MINDY4: variants seen among roughly 807,000 people sequenced by gnomAD.
MINDY4 encodes probable ubiquitin carboxyl-terminal hydrolase MINDY-4.
A neutral mutation model predicts 87.0 loss-of-function variants in MINDY4; 68 were observed. The ratio of observed to expected loss-of-function variants is 0.78; its 90% CI spans 0.64 to 0.96. The LOEUF is 0.96. Among genes scored for constraint, MINDY4 ranks in the 40% least tolerant of loss-of-function variants. MINDY4 has a pLI of 0.00. For synonymous variants in MINDY4, 379 were observed against 363.2 expected, an observed-to-expected ratio of 1.04 and a Z score of -0.50; for missense variants, 919 against 928.2, an observed-to-expected ratio of 0.99 and a Z score of 0.13.
rs1787147200 is a variant in MINDY4, at chr7:30,785,901, T to C, written c.572T>C (p.Leu191Ser). ...GACAAGCTTCACTCGGAGCCTTCCT[T>C]GGATGTGAAGAGGATGGGAGAGAAT... ...KIDKLHSEPS[L>S]DVKRMGENSR... Residue 191 changes from leucine to serine, a missense_variant, in exon 4 of 18, where the codon TTG becomes TCG. Physicochemically the swap from Leu to Ser is moderately radical, Grantham distance 145. Coordinates refer to ENST00000265299, the MANE Select transcript of MINDY4 (RefSeq NM_032222.3). 1 of 1,614,032 alleles carries C rather than the reference T, an allele frequency of 6.2e-7. No homozygotes were observed. Among genetic ancestry groups the C allele is most frequent in the Non-Finnish European group, 8.5e-7 (1 of 1,180,042 alleles).
At chr7:30,882,385 C>G (rs1790493313) in intron 16 of MINDY4, 24 bp downstream of exon 16, 1 of 1,478,484 alleles carries the variant, frequency 6.8e-7, no homozygotes, top group African/African-American at 1.4e-5. Context: ...CCCCCCCACC[C>G]ACCCAACCCT....
chr7:30,828,745 C>A lies in MINDY4; in HGVS notation c.1132+8C>A, dbSNP rs1469055785. ...TGGGTGCCCTGCGGCTCGGTAGGTGCAGCGGGTGCCTCTGTGCTGTGCCCA... is the reference window on the plus strand; with the variant it reads ...TGGGTGCCCTGCGGCTCGGTAGGTGAAGCGGGTGCCTCTGTGCTGTGCCCA... On this transcript the variant is annotated splice_region_variant and intron_variant, in intron 6 of 17. Coordinates refer to ENST00000265299, the MANE Select transcript of MINDY4 (RefSeq NM_032222.3). 1 of 1,611,540 alleles carries A rather than the reference C, an allele frequency of 6.2e-7. No individual in the cohort carries two copies. Among genetic ancestry groups the A allele is most frequent in the Non-Finnish European group, 8.5e-7 (1 of 1,179,938 alleles).
intron 4 of MINDY4, among the ~76,000 whole-genome samples, chr7:30,788,236 A>G (rs182801774): frequency 1.1e-4 from 16 of 152,326 alleles, no homozygotes; most frequent in Admixed American, 4.6e-4. Flanking sequence ...GAAAACTGAG[A>G]TATTTTTCTT....
At chr7:30,806,671 T>C (rs752908229) in intron 5 of MINDY4, among the ~76,000 whole-genome samples, 11 of 152,282 alleles carry the variant, frequency 7.2e-5, no homozygotes, top group Admixed American at 6.5e-4. Flanking sequence ...GTCAGGCATA[T>C]AGCAGGCTTT....
intron 6 of MINDY4, among the ~76,000 whole-genome samples, chr7:30,834,037 G>A (rs1345313653): frequency 6.6e-6 from 1 of 152,210 alleles, no homozygotes; most frequent in East Asian, 1.9e-4. Flanking sequence ...CCAGGCACAT[G>A]GTGCAAGCTG....
chr7:30,841,460 C>T (rs1789035619), intron 9 of MINDY4, among the ~76,000 whole-genome samples: 1 of 152,180 alleles, frequency 6.6e-6, no homozygotes, highest in Non-Finnish European at 1.5e-5. Flanking sequence ...TAGAAAACCC[C>T]AATCCCATAC....
intron 9 of MINDY4, among the ~76,000 whole-genome samples, chr7:30,849,387 A>G (rs1789325804): frequency 6.6e-6 from 1 of 152,242 alleles, no homozygotes; most frequent in Non-Finnish European, 1.5e-5. Context: ...AAAAATTTGC[A>G]GAATCCAAGA....
Position 30,820,200 on chromosome 7 carries a change from C to T in MINDY4, c.1074-8479C>T, listed in dbSNP as rs912237350. ...ACAGGCGTGAGCCACCGCGCCCGGCCAATAATTTTTAAAAGTAAAATTCAA... is the reference window on the plus strand; with the variant it reads ...ACAGGCGTGAGCCACCGCGCCCGGCTAATAATTTTTAAAAGTAAAATTCAA... On this transcript the variant is annotated intron_variant, in intron 5 of 17. Coordinates refer to ENST00000265299, the MANE Select transcript of MINDY4 (RefSeq NM_032222.3). 5.3e-5 allele frequency among the ~76,000 whole-genome samples: 8 copies of T among 152,124 alleles called. No individual in the cohort carries two copies. The South Asian group carries it at 1.2e-3, about 24-fold the overall frequency.
chr7:30,862,456 C>G (rs968256300), intron 13 of MINDY4, among the ~76,000 whole-genome samples: 1 of 152,254 alleles, frequency 6.6e-6, no homozygotes, highest in African/African-American at 2.4e-5. Context: ...ACACTGCACT[C>G]CAGCGGCGCT....
chr7:30,774,262 A>G (rs1044393299), intron 1 of MINDY4, among the ~76,000 whole-genome samples: 21 of 152,240 alleles, frequency 1.4e-4, no homozygotes, highest in African/African-American at 4.6e-4. Context: ...TCCCACTACC[A>G]CACTTACTCA....
intron 5 of MINDY4, among the ~76,000 whole-genome samples, chr7:30,809,856 T>C (rs1224702257): frequency 1.3e-5 from 2 of 151,892 alleles, no homozygotes; most frequent in Admixed American, 6.6e-5. Context: ...ATTCTTGTCC[T>C]GAAATAAATT....
In MINDY4 at chr7:30,850,545, G is replaced by A. The variant is rs78722842; in HGVS notation, c.1537G>A (p.Val513Ile). 0.043 allele frequency: 69,355 copies of A among 1,602,542 alleles called. 1,613 individuals are homozygous for A. Among genetic ancestry groups the A allele is most frequent in the Middle Eastern group, 0.059 (349 of 5,930 alleles). ...VWRAGGRERA[V>I]VALASRTQQF... is the part of the protein sequence containing the mutation. Reference sequence around the variant, plus strand: ...GCGGGCAGGGGGCCGAGAGAGAGCCGTTGTTGCACTGTAAGTGGTTCCGAG... The same window carrying A: ...GCGGGCAGGGGGCCGAGAGAGAGCCATTGTTGCACTGTAAGTGGTTCCGAG... The change falls in exon 10 of 18, where the codon GTT becomes ATT. Residue 513 changes from valine to isoleucine, a missense_variant. Transcript: ENST00000265299.
Position 30,822,591 on chromosome 7 carries a change from A to G in MINDY4, c.1074-6088A>G, listed in dbSNP as rs77103997. Among the ~76,000 whole-genome samples, 1,184 of 148,124 alleles carry G rather than the reference A, an allele frequency of 8.0e-3. 14 individuals carry two copies. Among genetic ancestry groups the G allele is most frequent in the African/African-American group, 0.029 (1,132 of 39,240 alleles). On this transcript the variant is annotated intron_variant, in intron 5 of 17. Coordinates refer to ENST00000265299, the MANE Select transcript of MINDY4 (RefSeq NM_032222.3). ...TTTTTTTCAATCCAGGATCCATTCG[A>G]GGTTTGCCCATTGTCTTGGTTGACG...
chr7:30,865,602 A>G (rs1179752355), intron 13 of MINDY4, among the ~76,000 whole-genome samples: 4 of 152,148 alleles, frequency 2.6e-5, no homozygotes, highest in Admixed American at 6.5e-5. Flanking sequence ...TCCTCTGGAG[A>G]CCCTGTGCAG....
chr7:30,791,233 G>C lies in MINDY4; in HGVS notation c.732G>C (p.Glu244Asp), dbSNP rs765287774. The change falls in exon 5 of 18, where the codon GAG (glutamate) becomes GAC (aspartate). Residue 244 changes from glutamate (E) to aspartate (D), a missense_variant. Physicochemically the swap from Glu to Asp is conservative, Grantham distance 45. Transcript: ENST00000265299. ...PSSSSTQPQE[E>D]SRKVPELFVC... is the part of the protein sequence containing the mutation. ...GCAGCTCCACCCAACCCCAAGAAGAGAGCCGGAAGGTCCCTGAGCTCTTTG... is the reference window on the plus strand; with the variant it reads ...GCAGCTCCACCCAACCCCAAGAAGACAGCCGGAAGGTCCCTGAGCTCTTTG... The C allele has an allele frequency of 8.1e-6, 13 of 1,614,014 alleles. No homozygotes were observed. In the Admixed American group the frequency reaches 2.2e-4, roughly 27 times the overall value.
chr7:30,832,081 A>G (rs1390230214), intron 6 of MINDY4, among the ~76,000 whole-genome samples: 1 of 152,144 alleles, frequency 6.6e-6, no homozygotes, highest in Non-Finnish European at 1.5e-5. Flanking sequence ...ACTTGGGCCA[A>G]TTCCTCCCTG....
At chr7:30,808,536 A>G (rs1018651992) in intron 5 of MINDY4, among the ~76,000 whole-genome samples, 1 of 152,098 alleles carries the variant, frequency 6.6e-6, no homozygotes, top group Non-Finnish European at 1.5e-5. Flanking sequence ...TTGAAGAAGC[A>G]TGGGTCAGGC....
At chr7:30,794,707 C>G (rs1022615597) in intron 5 of MINDY4, among the ~76,000 whole-genome samples, 1 of 152,176 alleles carries the variant, frequency 6.6e-6, no homozygotes, top group Admixed American at 6.5e-5. Flanking sequence ...CACCTGGACT[C>G]CCATTGTGGG....
In MINDY4 at chr7:30,853,435, T is replaced by G; in HGVS notation, c.1653T>G (p.Thr551=). The G allele has an allele frequency of 6.2e-7, 1 of 1,613,466 alleles. No homozygotes were observed. Among genetic ancestry groups the G allele is most frequent in the East Asian group, 2.2e-5 (1 of 44,876 alleles). The change falls in exon 12 of 18, where the codon ACT becomes ACG. Residue 551 remains threonine, a synonymous_variant. Transcript: ENST00000265299. The stretch of plus-strand genomic sequence containing the variant: ...TGACCTGCTATGAGGACCTGGTGAC[T>G]TTTCTTCAACAAAGCATTCATCAGG... ...HSLTCYEDLV[T]FLQQSIHQFE... is the part of the protein sequence containing the mutation.
Sources: gnomAD v4.1 joint callset for allele counts (sites outside exome capture counted in the v4.1 genomes callset) on GRCh38, gnomAD v4.1.1 for gene constraint, MANE v1.5 for transcripts, NCBI Gene and HGNC (gene_info 2026-07-23, HGNC 2026-07-21) for gene names.